Variants in MYO9B observed in about 807,000 individuals in gnomAD.
MYO9B encodes unconventional myosin-IXb.
In MYO9B, 71 loss-of-function variants were observed where a neutral mutation model predicts 229.5. That is an observed-to-expected ratio of 0.31 (90% confidence interval 0.26 to 0.38). The LOEUF (loss-of-function observed/expected upper bound fraction) is 0.38, where lower values mean the gene tolerates loss of function less well. Ranked by LOEUF, MYO9B falls within the 10% of genes least tolerant of loss-of-function variation. MYO9B has a pLI of 1.00. For synonymous variants in MYO9B, 1,185 were observed against 1,235.8 expected (o/e 0.96, Z 0.86); for missense variants, 2,255 against 2,920.5 (o/e 0.77, Z 5.25).
chr19:17,145,274 CAA>C (rs2145234538), intron 2 of MYO9B, 121 bp from the exon 3 acceptor site: 1 of 952,862 alleles, frequency 1.0e-6, no homozygotes, highest in East Asian at 2.7e-5. Flanking sequence ...AGACTGTCTC[CAA>C]GAGAAAAAAT....
At chr19:17,108,255 GC>G (rs2057812028) in intron 2 of MYO9B, among the ~76,000 whole-genome samples, 1 of 152,222 alleles carries the variant, frequency 6.6e-6, no homozygotes, top group African/African-American at 2.4e-5. Context: ...CGAGGGTGGT[GC>G]CCACGCCGGC....
chr19:17,089,338 G>A (rs1304731044), intron 1 of MYO9B, among the ~76,000 whole-genome samples: 1 of 152,046 alleles, frequency 6.6e-6, no homozygotes, highest in Non-Finnish European at 1.5e-5. Context: ...ACTGAATGCT[G>A]CACGATGCAT....
Position 17,212,461 on chromosome 19 carries a change from G to C in MYO9B, c.*151G>C, listed in dbSNP as rs2073242742. 3.0e-6 allele frequency: 3 copies of C among 1,007,038 alleles called. No individual in the cohort carries two copies. Among genetic ancestry groups the C allele is most frequent in the Admixed American group, 7.3e-5 (2 of 27,528 alleles). 62.4% of individuals were successfully genotyped at this position (1,007,038 alleles called of 1,614,324 possible). A position where few individuals can be genotyped will look rare whatever the true frequency, so the allele number is the denominator to read the frequency against. On this transcript the variant is annotated 3_prime_UTR_variant, in exon 40 of 40. Transcript: ENST00000682292. This position sits in a 1 kb window ranked among gnomAD's most constrained non-coding sequence, Gnocchi z 5.4. ...GAGGTGGGCACCGGCCCCAAGTGCA[G>C]AGTCAAGGCAGGGAGAGGCCGGCTG...
At chr19:17,201,580 A>T (rs2073106539) in intron 26 of MYO9B, among the ~76,000 whole-genome samples, 1 of 151,742 alleles carries the variant, frequency 6.6e-6, no homozygotes, top group South Asian at 2.1e-4. Flanking sequence ...TCTAGGGGGG[A>T]TTCTGTCCGC....
chr19:17,195,447 C>T lies in MYO9B; in HGVS notation c.4020C>T (p.Ala1340=). The change falls in exon 22 of 40, where the codon GCC becomes GCT. Residue 1340 remains alanine, a synonymous_variant. Transcript: ENST00000682292. The surrounding 1 kb of genome is among the most constrained non-coding windows in gnomAD (Gnocchi z 4.5). ...QSLDLSDRHR[A]TGAALTPTEE... ...TGGACCTCAGCGACAGACACCGGGC[C>T]ACAGGGGCCGCCCTCACGCCCACAG... 2 of 1,603,188 alleles carry T rather than the reference C, an allele frequency of 1.2e-6. No homozygotes were observed. Among genetic ancestry groups the T allele is most frequent in the Non-Finnish European group, 1.7e-6 (2 of 1,178,244 alleles).
Position 17,195,348 on chromosome 19 carries a change from C to T in MYO9B, c.3921C>T (p.Ala1307=), listed in dbSNP as rs748317988. The T allele has an allele frequency of 1.3e-5, 21 of 1,612,178 alleles. No individual in the cohort carries two copies. Among genetic ancestry groups the T allele is most frequent in the Non-Finnish European group, 1.6e-5 (19 of 1,179,716 alleles). The part of the protein sequence containing the change: ...IQRYLDAERL[A]SAVELWRGKK... ...GGTACCTGGACGCCGAGCGGCTGGCCAGCGCCGTGGAACTGTGGCGGGGCA... is the reference window on the plus strand; with the variant it reads ...GGTACCTGGACGCCGAGCGGCTGGCTAGCGCCGTGGAACTGTGGCGGGGCA... The change falls in exon 22 of 40, where the codon GCC becomes GCT. Residue 1307 remains alanine (A), a synonymous_variant. Coordinates refer to ENST00000682292, the MANE Select transcript of MYO9B (RefSeq NM_004145.4). This position sits in a 1 kb window ranked among gnomAD's most constrained non-coding sequence, Gnocchi z 4.5.
intron 1 of MYO9B, among the ~76,000 whole-genome samples, chr19:17,082,394 G>C (rs2057541581): frequency 1.3e-5 from 2 of 152,176 alleles, no homozygotes; most frequent in Non-Finnish European, 1.5e-5. Context: ...GGGCACCGCT[G>C]CTTCCTCACG....
chr19:17,124,681 A>T (rs920724141), intron 2 of MYO9B, among the ~76,000 whole-genome samples: 2 of 151,186 alleles, frequency 1.3e-5, no homozygotes, highest in African/African-American at 4.9e-5. Context: ...AATTGCTCAA[A>T]TCTGGGAGGC....
Position 17,154,370 on chromosome 19 carries a change from A to G in MYO9B, c.1154A>G (p.Lys385Arg). ...CTGAAGCATGACTTTGAGAGGCTCA[A>G]GCAGGCCATGGAGATGGTGGGCTTC... is the stretch of plus-strand genomic sequence containing the variant. ...EDLKHDFERL[K>R]QAMEMVGFLP... The change falls in exon 6 of 40, where the codon AAG (lysine) becomes AGG (arginine). Residue 385 changes from lysine (K) to arginine (R), a missense_variant. By Grantham distance (26) the Lys-to-Arg change is conservative. Around this residue, in one of 7 missense-constraint regions of MYO9B, gnomAD observed 220 missense variants for 404.5 expected, o/e 0.54. Transcript: ENST00000682292. 1 of 1,613,452 alleles carries G rather than the reference A, an allele frequency of 6.2e-7. No homozygotes were observed. The highest frequency in any genetic ancestry group is 1.3e-5 in the African/African-American group (1 of 75,046).
In MYO9B at chr19:17,102,103, C is replaced by T; in HGVS notation, c.386C>T (p.Ala129Val). Residue 129 changes from alanine (A) to valine (V), a missense_variant, in exon 2 of 40, where the codon GCC becomes GTC. Physicochemically the swap from Ala to Val is moderately conservative, Grantham distance 64. This residue lies in a region of MYO9B where 386 missense variants were observed against 515.2 expected (regional missense o/e 0.75). Transcript: ENST00000682292. ...GTGCATATGCAGCTGGTGGCGCAGGCCACAGCCACCCGGCGCCTAGTGGAG... is the reference window on the plus strand; with the variant it reads ...GTGCATATGCAGCTGGTGGCGCAGGTCACAGCCACCCGGCGCCTAGTGGAG... ...KYVHMQLVAQ[A>V]TATRRLVERG... 1 of 1,613,178 alleles carries T rather than the reference C, an allele frequency of 6.2e-7. No individual in the cohort carries two copies.
At chr19:17,144,457 C>T (rs1458682746) in intron 2 of MYO9B, among the ~76,000 whole-genome samples, 3 of 150,760 alleles carry the variant, frequency 2.0e-5, no homozygotes, top group Admixed American at 6.6e-5. Flanking sequence ...ATTAGCCAGG[C>T]GTGGTGGTGC....
chr19:17,169,140 G>C (rs921208664), intron 11 of MYO9B, among the ~76,000 whole-genome samples: 1 of 152,108 alleles, frequency 6.6e-6, no homozygotes. Context: ...GGGAGGCCGA[G>C]GCAGGCGGAT....
Position 17,211,937 on chromosome 19 carries a change from C to A in MYO9B, c.6101C>A (p.Pro2034Gln). Residue 2034 changes from proline to glutamine, a missense_variant, in exon 40 of 40, where the codon CCG becomes CAG. By Grantham distance (76) the Pro-to-Gln change is moderately conservative. This residue lies in a region of MYO9B where 331 missense variants were observed against 332.5 expected (regional missense o/e 1.00). Transcript: ENST00000682292. ...PALPCPGAPTPSPLPTVAAPP... is the reference protein window; with the variant it reads ...PALPCPGAPTQSPLPTVAAPP... The stretch of plus-strand genomic sequence containing the variant: ...CTCCCTTGCCCCGGCGCGCCCACCC[C>A]GAGCCCCCTCCCCACCGTGGCCGCC... 2 of 1,505,128 alleles carry A rather than the reference C, an allele frequency of 1.3e-6. No individual in the cohort carries two copies. The highest frequency in any genetic ancestry group is 1.2e-5 in the South Asian group (1 of 83,134). The allele number at this position is 1,505,128 out of a possible 1,614,324, so 93.2% of individuals were successfully genotyped here. A position where few individuals can be genotyped will look rare whatever the true frequency, so the allele number is the denominator to read the frequency against.
At chr19:17,129,841 G>A (rs1286568557) in intron 2 of MYO9B, among the ~76,000 whole-genome samples, 1 of 151,952 alleles carries the variant, frequency 6.6e-6, no homozygotes, top group Non-Finnish European at 1.5e-5. Flanking sequence ...TTTTAGATGG[G>A]TTCTAACTCT....
Position 17,102,542 on chromosome 19 carries a change from T to C in MYO9B, c.825T>C (p.Ala275=). ...GCGTCGAGAGGACCATCCTGGGTGC[T>C]GGCCCTGTGCTGGAGGTGAGCGGGG... ...ASGVERTILG[A]GPVLEAFGNA... The change falls in exon 2 of 40, where the codon GCT becomes GCC. Residue 275 remains alanine, a synonymous_variant. Transcript: ENST00000682292. 1 of 1,597,778 alleles carries C rather than the reference T, an allele frequency of 6.3e-7. No individual in the cohort carries two copies. Among genetic ancestry groups the C allele is most frequent in the Non-Finnish European group, 8.5e-7 (1 of 1,171,522 alleles).
At chr19:17,153,941 A>G (rs1271586706) in intron 4 of MYO9B, 26 bp from the exon 5 acceptor site, 1 of 1,592,208 alleles carries the variant, frequency 6.3e-7, no homozygotes, top group East Asian at 2.2e-5. Flanking sequence ...AAAAACAACT[A>G]TTTTCCTCCC....
chr19:17,167,927 C>T lies in MYO9B; in HGVS notation c.1672-16C>T, dbSNP rs77144082. 6.3e-3 allele frequency: 9,738 copies of T among 1,555,620 alleles called. 490 individuals carry two copies. The African/African-American group carries it at 0.12, about 19-fold the overall frequency. On this transcript the variant is annotated splice_polypyrimidine_tract_variant and intron_variant, in intron 10 of 39. Transcript: ENST00000682292. ...TGGGAGATAAGAAACTTACCGACCCCGCGCCACCCCTGCAGGAGGAATATC... is the reference window on the plus strand; with the variant it reads ...TGGGAGATAAGAAACTTACCGACCCTGCGCCACCCCTGCAGGAGGAATATC...
intron 1 of MYO9B, among the ~76,000 whole-genome samples, chr19:17,085,477 G>A (rs2057573303): frequency 6.6e-6 from 1 of 151,970 alleles, no homozygotes; most frequent in Non-Finnish European, 1.5e-5. Flanking sequence ...GTCTTTGGGG[G>A]AATCAGTGGG....
At chr19:17,094,009 G>A (rs2057664431) in intron 1 of MYO9B, among the ~76,000 whole-genome samples, 1 of 137,958 alleles carries the variant, frequency 7.2e-6, no homozygotes, top group Non-Finnish European at 1.5e-5. Flanking sequence ...AGCCACTGCA[G>A]CTGGCTTTGT....
Sources: allele counts gnomAD v4.1 joint callset (sites outside exome capture counted in the v4.1 genomes callset), GRCh38; gene constraint gnomAD v4.1.1; regional missense constraint gnomAD v4.1.1; non-coding constraint Gnocchi (gnomAD v3.1); transcripts MANE v1.5; gene names NCBI Gene and HGNC (gene_info 2026-07-23, HGNC 2026-07-21).